THSD7A: variants seen among roughly 807,000 people sequenced by gnomAD.
The protein encoded by THSD7A is thrombospondin type 1 domain containing 7A.
THSD7A carries 96 observed loss-of-function variants against 231.3 expected under a neutral mutation model. The ratio of observed to expected loss-of-function variants is 0.41; its 90% CI spans 0.35 to 0.49. The LOEUF is 0.49. Ranked by LOEUF, THSD7A falls within the 20% of genes least tolerant of loss-of-function variation. The pLI is 0.05. For missense variants in THSD7A, 2,290 were observed against 2,070.2 expected, an observed-to-expected ratio of 1.11 and a Z score of -2.06; for synonymous variants, 940 against 743.3, an observed-to-expected ratio of 1.26 and a Z score of -4.30.
At position 11,385,640 on chromosome 7, in the gene THSD7A, A is replaced by G. The variant is rs978235965; in HGVS notation, c.4412-3024T>C. 2.6e-5 allele frequency: 4 copies of G among 151,966 alleles called. No homozygotes were observed. The East Asian group carries it at 5.8e-4, about 22-fold the overall frequency. 9.4% of individuals were successfully genotyped at this position (151,966 alleles called of 1,614,324 possible). A position where few individuals can be genotyped will look rare whatever the true frequency, so the allele number is the denominator to read the frequency against. ...ATTTGGTTATCTTTGTATTTCAACAATTATAGTCATATTATTAAATATTAA... is the reference window on the plus strand; with the variant it reads ...ATTTGGTTATCTTTGTATTTCAACAGTTATAGTCATATTATTAAATATTAA... On this transcript the variant is annotated intron_variant, in intron 23 of 27. Coordinates refer to ENST00000423059, the MANE Select transcript of THSD7A (RefSeq NM_015204.3).
intron 1 of THSD7A, among the ~76,000 whole-genome samples, chr7:11,766,217 A>G (rs1377705529): frequency 6.6e-6 from 1 of 152,138 alleles, no homozygotes; most frequent in Non-Finnish European, 1.5e-5. Flanking sequence ...CAATCACAAT[A>G]TTTCCTATAA....
intron 26 of THSD7A, among the ~76,000 whole-genome samples, chr7:11,378,475 T>C (rs546745054): frequency 1.3e-5 from 2 of 152,318 alleles, no homozygotes; most frequent in South Asian, 4.1e-4. Context: ...TTAAGAGCTG[T>C]CTGTGAATGT....
At chr7:11,762,371 T>C (rs536917312) in intron 1 of THSD7A, among the ~76,000 whole-genome samples, 5 of 152,240 alleles carry the variant, frequency 3.3e-5, no homozygotes, top group African/African-American at 9.6e-5. Flanking sequence ...GTCTAGGCGG[T>C]TCCTTTCTTA....
intron 4 of THSD7A, among the ~76,000 whole-genome samples, chr7:11,576,866 G>C (rs1584012275): frequency 1.3e-5 from 2 of 152,096 alleles, no homozygotes; most frequent in Admixed American, 1.3e-4. Context: ...AACATTATCA[G>C]CTAATAGGAT....
intron 4 of THSD7A, among the ~76,000 whole-genome samples, chr7:11,552,110 G>A (rs1789653097): frequency 6.6e-6 from 1 of 152,050 alleles, no homozygotes; most frequent in South Asian, 2.1e-4. Context: ...AGTGGAAGCT[G>A]ATAAACATGA....
intron 4 of THSD7A, among the ~76,000 whole-genome samples, chr7:11,586,821 C>A (rs1392907245): frequency 1.3e-5 from 2 of 152,142 alleles, no homozygotes; most frequent in Non-Finnish European, 2.9e-5. Context: ...CATCCCTCCG[C>A]CTATCTTCCC....
intron 6 of THSD7A, among the ~76,000 whole-genome samples, chr7:11,487,751 G>C (rs562851876): frequency 7.2e-5 from 11 of 152,164 alleles, no homozygotes; most frequent in African/African-American, 2.6e-4. Context: ...GATCTCATGA[G>C]AATTATTCAC....
chr7:11,530,011 G>A lies in THSD7A; in HGVS notation c.1822+11408C>T, dbSNP rs113430519. On this transcript the variant is annotated intron_variant, in intron 6 of 27. Transcript: ENST00000423059. ...GGTCTCATTTCACAGAAAAGGAAAC[G>A]TAGTCACTGTGGATTTAAGGAACTT... Among the ~76,000 whole-genome samples, 13 of 152,234 alleles carry A rather than the reference G, an allele frequency of 8.5e-5. 1 individual carries two copies. The highest frequency in any genetic ancestry group is 3.1e-4 in the African/African-American group (13 of 41,524).
At chr7:11,549,461 A>G (rs1286132463) in intron 4 of THSD7A, among the ~76,000 whole-genome samples, 1 of 152,184 alleles carries the variant, frequency 6.6e-6, no homozygotes, top group African/African-American at 2.4e-5. Flanking sequence ...TCATCCTATT[A>G]TAAAGATATA....
chr7:11,806,737 G>T (rs1328528233), intron 1 of THSD7A, among the ~76,000 whole-genome samples: 4 of 152,134 alleles, frequency 2.6e-5, no homozygotes, highest in African/African-American at 4.8e-5. Context: ...GGTAGAAAAG[G>T]TTCATGGACA....
At chr7:11,485,684 G>T (rs1478659416) in intron 6 of THSD7A, among the ~76,000 whole-genome samples, 3 of 152,164 alleles carry the variant, frequency 2.0e-5, no homozygotes, top group African/African-American at 7.2e-5. Context: ...CTAGATTGGG[G>T]TTCTTCTTGG....
chr7:11,608,838 A>G (rs566352358), intron 2 of THSD7A, among the ~76,000 whole-genome samples: 88 of 152,122 alleles, frequency 5.8e-4, no homozygotes, highest in Non-Finnish European at 1.0e-3. Flanking sequence ...GTTCCCAAAC[A>G]GAATTCGCCA....
chr7:11,672,795 C>T (rs914154345), intron 1 of THSD7A, among the ~76,000 whole-genome samples: 1 of 152,076 alleles, frequency 6.6e-6, no homozygotes, highest in African/African-American at 2.4e-5. Context: ...GAAGCAAATT[C>T]ATCAATCTTT....
intron 7 of THSD7A, among the ~76,000 whole-genome samples, chr7:11,480,089 GC>G (rs1786360772): frequency 6.6e-6 from 1 of 152,054 alleles, no homozygotes. Context: ...TTGAATTAAT[GC>G]CCTTATGATT....
chr7:11,459,665 A>ATT lies in THSD7A; in HGVS notation c.2605+995_2605+996dup, dbSNP rs34415355. 5.4e-3 allele frequency among the ~76,000 whole-genome samples: 215 copies of ATT among 39,908 alleles called. 9 individuals carry two copies. Among genetic ancestry groups the ATT allele is most frequent in the African/African-American group, 6.1e-3 (100 of 16,500 alleles). 26.2% of individuals were successfully genotyped at this position (39,908 alleles called of 152,430 possible). On this transcript the variant is annotated intron_variant, in intron 11 of 27. Coordinates refer to ENST00000423059, the MANE Select transcript of THSD7A (RefSeq NM_015204.3). Reference sequence around the variant, plus strand: ...AAAAGGAAGATTATAAAAACAGGGGATTTTTTTTTTTTTTTTTTTTTTTTT... The same window carrying ATT: ...AAAAGGAAGATTATAAAAACAGGGGATTTTTTTTTTTTTTTTTTTTTTTTTTT...
chr7:11,706,836 C>T (rs1271652392), intron 1 of THSD7A, among the ~76,000 whole-genome samples: 4 of 150,320 alleles, frequency 2.7e-5, no homozygotes, highest in Non-Finnish European at 6.0e-5. Context: ...AATGACTTAT[C>T]GGCAAATGAG....
intron 13 of THSD7A, among the ~76,000 whole-genome samples, chr7:11,432,916 C>G (rs769461407): frequency 6.6e-6 from 1 of 151,852 alleles, no homozygotes; most frequent in African/African-American, 2.4e-5. Flanking sequence ...AAAATGGGAT[C>G]ACAAATTTGG....
chr7:11,408,693 T>C (rs1264332418), intron 19 of THSD7A, among the ~76,000 whole-genome samples: 1 of 152,206 alleles, frequency 6.6e-6, no homozygotes, highest in Non-Finnish European at 1.5e-5. Flanking sequence ...AACATTACGT[T>C]GTGTTTCAAG....
chr7:11,400,111 TGAAAACACTTGGACACAGGAAGGG>T (rs1304108364), intron 23 of THSD7A, among the ~76,000 whole-genome samples: 70 of 138,116 alleles, frequency 5.1e-4, no homozygotes, highest in Admixed American at 2.7e-3. Flanking sequence ...AATTGAACAA[TGAAAACACTTGGACACAGGAAGGG>T]GAACATCACA....
Sources: gnomAD v4.1 joint callset for allele counts (sites outside exome capture counted in the v4.1 genomes callset) on GRCh38, gnomAD v4.1.1 for gene constraint, MANE v1.5 for transcripts, NCBI Gene and HGNC (gene_info 2026-07-23, HGNC 2026-07-21) for gene names.